Variants in LMAN2 observed in about 807,000 individuals in gnomAD.
LMAN2 encodes lectin, mannose binding 2, also known as vesicular integral-membrane protein VIP36.
A neutral mutation model predicts 39.3 loss-of-function variants in LMAN2; 22 were observed. The observed-to-expected ratio is 0.56, with a 90% CI of 0.40 to 0.80. The LOEUF (loss-of-function observed/expected upper bound fraction) is 0.80. Ranked by LOEUF, LMAN2 falls within the 30% of genes least tolerant of loss-of-function variation. LMAN2 has a pLI of 0.00. For synonymous variants in LMAN2, 207 were observed against 207.8 expected, an observed-to-expected ratio of 1.00 and a Z score of 0.03; for missense variants, 494 against 505.4, an observed-to-expected ratio of 0.98 and a Z score of 0.22.
In LMAN2 at chr5:177,351,614, A is replaced by G. The variant is rs771411045; in HGVS notation, c.34T>C (p.Trp12Arg). ...AAEGWIWRWG[W>R]GRRCLGRPGL... ...GGCCTTCCCAGGCACCGCCGGCCCC[A>G]GCCCCAACGCCAAATCCAGCCTTCC... Residue 12 changes from tryptophan to arginine, a missense_variant, in exon 1 of 8, where the codon TGG becomes CGG. Trp to Arg is a moderately radical substitution (Grantham distance 101). Transcript: ENST00000303127. The G allele has an allele frequency of 1.9e-6, 3 of 1,603,934 alleles. No individual in the cohort carries two copies. Among genetic ancestry groups the G allele is most frequent in the Non-Finnish European group, 2.5e-6 (3 of 1,176,834 alleles).
At position 177,334,394 on chromosome 5, in the gene LMAN2, T is replaced by C; in HGVS notation, c.800A>G (p.Asp267Gly). ...CTGGAACAGCTTCATGGAGATGATG[T>C]CATGATTGTCTGCAGGACCAAGAAT... ...AGTGDLSDNH[D>G]IISMKLFQLM... Residue 267 changes from aspartate to glycine, a missense_variant, in exon 7 of 8, where the codon GAC becomes GGC. Transcript: ENST00000303127. 1 of 1,613,098 alleles carries C rather than the reference T, an allele frequency of 6.2e-7. No homozygotes were observed. Among genetic ancestry groups the C allele is most frequent in the Non-Finnish European group, 8.5e-7 (1 of 1,179,864 alleles).
intron 2 of LMAN2, among the ~76,000 whole-genome samples, chr5:177,350,535 AC>A (rs1409662307): frequency 6.6e-6 from 1 of 152,170 alleles, no homozygotes; most frequent in East Asian, 1.9e-4. Flanking sequence ...TGATGACAAG[AC>A]CCTCAACCAA....
At chr5:177,350,845 G>C (rs1455123555) in intron 2 of LMAN2, among the ~76,000 whole-genome samples, 1 of 152,186 alleles carries the variant, frequency 6.6e-6, no homozygotes, top group Non-Finnish European at 1.5e-5. Flanking sequence ...CAGACAGCCT[G>C]ACAGTTCCAC....
At chr5:177,340,214 GCAA>G (rs1007846844) in intron 2 of LMAN2, among the ~76,000 whole-genome samples, 1 of 152,158 alleles carries the variant, frequency 6.6e-6, no homozygotes, top group African/African-American at 2.4e-5. Flanking sequence ...AGAGGAAACA[GCAA>G]CAACAACAAA....
intron 6 of LMAN2, chr5:177,336,896 A>C (rs1351634137): frequency 5.2e-6 from 3 of 571,900 alleles, no homozygotes; most frequent in Non-Finnish European, 9.4e-6. Context: ...CAGAAACCAC[A>C]GGAACTGAGG....
At chr5:177,336,375 A>G (rs1044706604) in intron 6 of LMAN2, among the ~76,000 whole-genome samples, 3 of 152,196 alleles carry the variant, frequency 2.0e-5, no homozygotes, top group Non-Finnish European at 4.4e-5. Flanking sequence ...AGCTCTGCGC[A>G]GAGCAGCAGG....
At chr5:177,335,815 C>T (rs1761460894) in intron 6 of LMAN2, among the ~76,000 whole-genome samples, 1 of 152,194 alleles carries the variant, frequency 6.6e-6, no homozygotes, top group African/African-American at 2.4e-5. Context: ...AATGGGTCAT[C>T]CTGAGGATAA....
At chr5:177,333,608 C>G (rs1761423585) in intron 7 of LMAN2, among the ~76,000 whole-genome samples, 1 of 152,264 alleles carries the variant, frequency 6.6e-6, no homozygotes, top group South Asian at 2.1e-4. Context: ...TGGGCTACGA[C>G]AGAGCCCGCG....
At chr5:177,345,922 C>T (rs1761631300) in intron 2 of LMAN2, among the ~76,000 whole-genome samples, 1 of 152,106 alleles carries the variant, frequency 6.6e-6, no homozygotes, top group Admixed American at 6.5e-5. Context: ...CGCCCGCCAC[C>T]ACACCCAGCT....
Position 177,334,348 on chromosome 5 carries a change from G to A in LMAN2, c.846C>T (p.Pro282=), listed in dbSNP as rs753649228. The part of the protein sequence containing the change: ...KLFQLMVEHT[P]DEESIDWTKI... ...TGGTCCAGTCGATGCTCTCCTCGTC[G>A]GGCGTGTGCTCCACCATCAGCTGGA... is the stretch of plus-strand genomic sequence containing the variant. Residue 282 remains proline (P), a synonymous_variant, in exon 7 of 8, where the codon CCC becomes CCT. Coordinates refer to ENST00000303127, the MANE Select transcript of LMAN2 (RefSeq NM_006816.3). 1.1e-5 allele frequency: 18 copies of A among 1,613,522 alleles called. No individual in the cohort carries two copies. Among genetic ancestry groups the A allele is most frequent in the African/African-American group, 1.1e-4 (8 of 74,936 alleles).
chr5:177,347,784 C>A (rs1761656566), intron 2 of LMAN2, among the ~76,000 whole-genome samples: 1 of 152,040 alleles, frequency 6.6e-6, no homozygotes, highest in South Asian at 2.1e-4. Context: ...GGTTTATAAA[C>A]CAAAAGAAGA....
chr5:177,345,527 C>T (rs1761620639), intron 2 of LMAN2, among the ~76,000 whole-genome samples: 1 of 151,714 alleles, frequency 6.6e-6, no homozygotes. Flanking sequence ...TAAGAGAAAA[C>T]GCTAAAACAT....
At chr5:177,335,227 G>A (rs994965905) in intron 6 of LMAN2, among the ~76,000 whole-genome samples, 1 of 152,234 alleles carries the variant, frequency 6.6e-6, no homozygotes, top group Non-Finnish European at 1.5e-5. Context: ...CCTTGGAGAC[G>A]GCGAGCGGCC....
rs777909101 is a variant in LMAN2, at chr5:177,351,567, A to G, written c.81T>C (p.Pro27=). The change falls in exon 1 of 8, where the codon CCT becomes CCC. Residue 27 remains proline (P), a synonymous_variant. Transcript: ENST00000303127. Reference sequence around the variant, plus strand: ...GAAGAAAGAGAGGTGTAGTGGGGCCAGGGCCGGGGCCGAGAAGCCCAGGCC... The same window carrying G: ...GAAGAAAGAGAGGTGTAGTGGGGCCGGGGCCGGGGCCGAGAAGCCCAGGCC... ...LGRPGLLGPG[P]GPTTPLFLLL... 1.4e-5 allele frequency: 23 copies of G among 1,614,060 alleles called. No individual in the cohort carries two copies. The highest frequency in any genetic ancestry group is 1.8e-5 in the Non-Finnish European group (21 of 1,180,038).
chr5:177,340,360 G>A (rs565154247), intron 2 of LMAN2, among the ~76,000 whole-genome samples: 1 of 152,106 alleles, frequency 6.6e-6, no homozygotes, highest in Non-Finnish European at 1.5e-5. Flanking sequence ...TTTAGATACA[G>A]GGGCTACATG....
rs1761404264 is a variant in LMAN2 at position 177,332,490 on chromosome 5, C to G, written c.911-244G>C. The stretch of plus-strand genomic sequence containing the variant: ...AGGGACCCGGGACCCCAGCGACAAG[C>G]CTGGGCTGCCTTCTGCTGCAGGAAG... On this transcript the variant is annotated intron_variant, in intron 7 of 7. Coordinates refer to ENST00000303127, the MANE Select transcript of LMAN2 (RefSeq NM_006816.3). The surrounding 1 kb of genome is among the most constrained non-coding windows in gnomAD (Gnocchi z 6.3). 6.6e-6 allele frequency among the ~76,000 whole-genome samples: 1 copy of G among 152,162 alleles called. No individual in the cohort carries two copies. The highest frequency in any genetic ancestry group is 1.5e-5 in the Non-Finnish European group (1 of 68,002).
At chr5:177,334,823 G>A (rs1328273667) in intron 6 of LMAN2, among the ~76,000 whole-genome samples, 2 of 152,212 alleles carry the variant, frequency 1.3e-5, no homozygotes, top group African/African-American at 2.4e-5. Flanking sequence ...ACCAACAGTC[G>A]CTGTGTGACT....
rs375229460 is a variant in LMAN2 at position 177,338,524 on chromosome 5, T to C, written c.397A>G (p.Ile133Val). 2.6e-5 allele frequency: 42 copies of C among 1,614,104 alleles called. No individual in the cohort carries two copies. The African/African-American group carries it at 4.9e-4, about 19-fold the overall frequency. Reference sequence around the variant, plus strand: ...CGGTCCCGGGTGTACCACAAGGCGATGCCGTCTCCATGGAGGTTCTTCTTC... The same window carrying C: ...CGGTCCCGGGTGTACCACAAGGCGACGCCGTCTCCATGGAGGTTCTTCTTC... ...TGKKNLHGDGIALWYTRDRLV... is the reference protein window; with the variant it reads ...TGKKNLHGDGVALWYTRDRLV... The change falls in exon 3 of 8, where the codon ATC (isoleucine) becomes GTC (valine). Residue 133 changes from isoleucine to valine, a missense_variant. Coordinates refer to ENST00000303127, the MANE Select transcript of LMAN2 (RefSeq NM_006816.3).
At chr5:177,347,332 G>A (rs1380824500) in intron 2 of LMAN2, among the ~76,000 whole-genome samples, 2 of 152,086 alleles carry the variant, frequency 1.3e-5, no homozygotes. Context: ...CGGGGAGGCT[G>A]GTTTCAGGAA....
Sources: gnomAD v4.1 joint callset for allele counts (sites outside exome capture counted in the v4.1 genomes callset) on GRCh38, gnomAD v4.1.1 for gene constraint, Gnocchi (gnomAD v3.1) non-coding constraint, MANE v1.5 for transcripts, NCBI Gene and HGNC (gene_info 2026-07-23, HGNC 2026-07-21) for gene names.